The following SNX9 variants were observed in gnomAD, a reference collection of about 807,000 sequenced individuals.
SNX9 encodes the protein sorting nexin 9.
In SNX9, 44 loss-of-function variants were observed where a neutral mutation model predicts 89.4. The ratio of observed to expected loss-of-function variants is 0.49; its 90% CI spans 0.39 to 0.63. SNX9 has a LOEUF of 0.63. Among genes scored for constraint, SNX9 ranks in the 30% least tolerant of loss-of-function variants. SNX9 has a pLI of 0.00. For synonymous variants in SNX9, 236 were observed against 247.8 expected (o/e 0.95, Z 0.45); for missense variants, 578 against 736.1 (o/e 0.79, Z 2.49).
In SNX9 at chr6:157,927,251, C is replaced by T. The variant is rs199498727; in HGVS notation, c.1184+37C>T. ...TGCCAGGTTTTCTTTCTTCTCAATC[C>T]GCACCCTCCTCCTTTGGCCATCAGG... On this transcript the variant is annotated intron_variant, in intron 11 of 17. Coordinates refer to ENST00000392185, the MANE Select transcript of SNX9 (RefSeq NM_016224.5). 60 of 1,435,888 alleles carry T rather than the reference C, an allele frequency of 4.2e-5. No homozygotes were observed. The African/African-American group carries it at 6.6e-4, about 16-fold the overall frequency. 88.9% of individuals were successfully genotyped at this position (1,435,888 alleles called of 1,614,324 possible).
At chr6:157,870,201 CAT>C (rs1017407116) in intron 2 of SNX9, among the ~76,000 whole-genome samples, 20 of 151,392 alleles carry the variant, frequency 1.3e-4, no homozygotes, top group African/African-American at 4.9e-4. Context: ...CACACATACA[CAT>C]ATGCACTCAC....
chr6:157,915,640 A>AAATATATAAATATATATATATAT (rs1472422303), intron 9 of SNX9, among the ~76,000 whole-genome samples: 1 of 95,172 alleles, frequency 1.1e-5, no homozygotes, highest in African/African-American at 4.7e-5. Context: ...AAAAAAAAAA[A>AAATATATAAATATATATATATAT]ATATATATAT....
intron 4 of SNX9, among the ~76,000 whole-genome samples, chr6:157,884,100 GT>G (rs1782684447): frequency 6.6e-6 from 1 of 152,214 alleles, no homozygotes; most frequent in Non-Finnish European, 1.5e-5. Context: ...CCTAGGAGCT[GT>G]CCATCACTGG....
At chr6:157,921,425 T>C in intron 9 of SNX9, 106 bp from the exon 10 acceptor site, 1 of 1,174,072 alleles carries the variant, frequency 8.5e-7, no homozygotes, top group Non-Finnish European at 1.2e-6. Flanking sequence ...TAAATAGCTT[T>C]CTACCCAATA....
At chr6:157,902,122 A>G in intron 6 of SNX9, 77 bp downstream of exon 6, 1 of 1,314,892 alleles carries the variant, frequency 7.6e-7, no homozygotes, top group Non-Finnish European at 9.9e-7. Flanking sequence ...CCCTACCAAG[A>G]GGCAGCTGGC....
chr6:157,881,124 C>T (rs1393627436), intron 4 of SNX9, among the ~76,000 whole-genome samples: 1 of 152,158 alleles, frequency 6.6e-6, no homozygotes, highest in Non-Finnish European at 1.5e-5. Context: ...TTGAGCAAGT[C>T]TATGGGCGCC....
At chr6:157,919,612 T>A (rs1415356064) in intron 9 of SNX9, among the ~76,000 whole-genome samples, 1 of 152,218 alleles carries the variant, frequency 6.6e-6, no homozygotes, top group Non-Finnish European at 1.5e-5. Context: ...CTCTGTCATA[T>A]TTTTCTTTAA....
At chr6:157,908,919 C>T (rs1230110653) in intron 7 of SNX9, among the ~76,000 whole-genome samples, 1 of 152,204 alleles carries the variant, frequency 6.6e-6, no homozygotes, top group East Asian at 1.9e-4. Flanking sequence ...CTACCCTCTT[C>T]AGGCAAGCCT....
chr6:157,860,615 G>A (rs950670298), intron 1 of SNX9, among the ~76,000 whole-genome samples: 2 of 152,114 alleles, frequency 1.3e-5, no homozygotes, highest in African/African-American at 2.4e-5. Flanking sequence ...TGTGTGCACC[G>A]CATATAGAAG....
rs1264110929 is a variant in SNX9 at position 157,927,232 on chromosome 6, G to A, written c.1184+18G>A. 1.3e-6 allele frequency: 2 copies of A among 1,571,860 alleles called. No homozygotes were observed. Among genetic ancestry groups the A allele is most frequent in the Non-Finnish European group, 1.8e-6 (2 of 1,142,178 alleles). On this transcript the variant is annotated intron_variant, in intron 11 of 17. Coordinates refer to ENST00000392185, the MANE Select transcript of SNX9 (RefSeq NM_016224.5). Reference sequence around the variant, plus strand: ...GTAGAAATGTGAGAGACGCTGCCAGGTTTTCTTTCTTCTCAATCCGCACCC... The same window carrying A: ...GTAGAAATGTGAGAGACGCTGCCAGATTTTCTTTCTTCTCAATCCGCACCC...
At chr6:157,941,782 T>C (rs1784041399) in intron 17 of SNX9, among the ~76,000 whole-genome samples, 2 of 152,332 alleles carry the variant, frequency 1.3e-5, no homozygotes, top group African/African-American at 4.8e-5. Context: ...GAACTGTGCT[T>C]GATGTACCTA....
At chr6:157,870,332 GCTCACA>G (rs1452004487) in intron 2 of SNX9, among the ~76,000 whole-genome samples, 8 of 146,792 alleles carry the variant, frequency 5.4e-5, no homozygotes, top group East Asian at 4.2e-4. Context: ...TCTCACCTGC[GCTCACA>G]CTCACACTCA....
chr6:157,873,260 A>G, intron 3 of SNX9, 84 bp downstream of exon 3: 1 of 1,087,112 alleles, frequency 9.2e-7, no homozygotes, highest in Non-Finnish European at 1.3e-6. Flanking sequence ...AGAAGTCAGC[A>G]ACTTTTTGCA....
At chr6:157,920,500 G>C (rs1783561763) in intron 9 of SNX9, among the ~76,000 whole-genome samples, 1 of 152,184 alleles carries the variant, frequency 6.6e-6, no homozygotes, top group African/African-American at 2.4e-5. Flanking sequence ...CGTGGGGTGG[G>C]TGGCACACAG....
rs1321419677 is a variant in SNX9, at chr6:157,823,763, C to G, written c.12+317C>G. 6.6e-6 allele frequency among the ~76,000 whole-genome samples: 1 copy of G among 151,946 alleles called. No homozygotes were observed. Among genetic ancestry groups the G allele is most frequent in the African/African-American group, 2.4e-5 (1 of 41,406 alleles). On this transcript the variant is annotated intron_variant, in intron 1 of 17. Transcript: ENST00000392185. This position sits in a 1 kb window ranked among gnomAD's most constrained non-coding sequence, Gnocchi z 4.6. ...CTGCGGCGGGCTCGCCGGGAGGGGC[C>G]GCGGGACGGAAACTTCCCGCAGCCC... is the stretch of plus-strand genomic sequence containing the variant.
intron 1 of SNX9, among the ~76,000 whole-genome samples, chr6:157,838,317 A>ATT (rs11318113): frequency 1.4e-5 from 2 of 145,922 alleles, no homozygotes; most frequent in South Asian, 2.2e-4. Context: ...TCGACCAATA[A>ATT]TTTTTTTTTT....
chr6:157,858,759 A>G (rs552623775), intron 1 of SNX9, among the ~76,000 whole-genome samples: 31 of 152,230 alleles, frequency 2.0e-4, no homozygotes, highest in South Asian at 1.2e-3. Context: ...GGCAAAGGAG[A>G]AGCAAAGGGA....
chr6:157,830,602 T>C (rs1583188006), intron 1 of SNX9: 1 of 152,232 alleles, frequency 6.6e-6, no homozygotes, highest in African/African-American at 2.4e-5. Flanking sequence ...CTGTTCAGTG[T>C]ACTCTTTGTG....
intron 1 of SNX9, among the ~76,000 whole-genome samples, chr6:157,865,044 A>G (rs1782229251): frequency 6.7e-6 from 1 of 148,280 alleles, no homozygotes; most frequent in Non-Finnish European, 1.5e-5. Context: ...CAAAACAAAA[A>G]CAAAAACTAC....
Sources: allele counts gnomAD v4.1 joint callset (sites outside exome capture counted in the v4.1 genomes callset), GRCh38; gene constraint gnomAD v4.1.1; non-coding constraint Gnocchi (gnomAD v3.1); transcripts MANE v1.5; gene names NCBI Gene and HGNC (gene_info 2026-07-23, HGNC 2026-07-21).